The following CDYL2 variants were observed in gnomAD, a reference collection of about 807,000 sequenced individuals.
CDYL2 encodes chromodomain Y-like protein 2.
Under a neutral mutation model 49.4 loss-of-function variants are expected in CDYL2, and 23 were observed. The ratio of observed to expected loss-of-function variants is 0.47; its 90% confidence interval spans 0.34 to 0.66. The LOEUF (loss-of-function observed/expected upper bound fraction) is 0.66, where lower values mean the gene tolerates loss of function less well. Ranked by LOEUF, CDYL2 falls within the 30% of genes least tolerant of loss-of-function variation. The pLI is 0.01. For missense variants in CDYL2, 678 were observed against 656.4 expected (o/e 1.03, Z -0.36); for synonymous variants, 360 against 268.8 (o/e 1.34, Z -3.32).
At chr16:80,690,235 A>G (rs1489446959) in intron 1 of CDYL2, among the ~76,000 whole-genome samples, 1 of 152,222 alleles carries the variant, frequency 6.6e-6, no homozygotes, top group Non-Finnish European at 1.5e-5. Flanking sequence ...TACTTCAAAC[A>G]GAACAGTCAC....
chr16:80,626,850 A>G (rs1907327799), intron 3 of CDYL2, among the ~76,000 whole-genome samples: 1 of 152,214 alleles, frequency 6.6e-6, no homozygotes, highest in Non-Finnish European at 1.5e-5. Flanking sequence ...GAATTGCACC[A>G]GGAATTTTAT....
chr16:80,710,162 C>T (rs774269632), intron 1 of CDYL2, among the ~76,000 whole-genome samples: 18 of 152,092 alleles, frequency 1.2e-4, no homozygotes, highest in Admixed American at 3.9e-4. Context: ...CTCCTGACCT[C>T]GTGATCCTCC....
intron 2 of CDYL2, among the ~76,000 whole-genome samples, chr16:80,651,567 C>T (rs1908583162): frequency 6.6e-6 from 1 of 152,084 alleles, no homozygotes; most frequent in Non-Finnish European, 1.5e-5. Flanking sequence ...ATTTACAGCA[C>T]AGAGAGCGAA....
intron 1 of CDYL2, among the ~76,000 whole-genome samples, chr16:80,722,906 G>C (rs945374710): frequency 6.6e-6 from 1 of 152,202 alleles, no homozygotes; most frequent in African/African-American, 2.4e-5. Flanking sequence ...CTTGGCTGGA[G>C]GATTCAGTCC....
chr16:80,801,649 T>C (rs989985820), intron 1 of CDYL2, among the ~76,000 whole-genome samples: 1 of 152,250 alleles, frequency 6.6e-6, no homozygotes, highest in Admixed American at 6.5e-5. Context: ...TTAATGAAAG[T>C]AATAAACAGG....
chr16:80,720,265 G>A (rs989254934), intron 1 of CDYL2, among the ~76,000 whole-genome samples: 5 of 152,102 alleles, frequency 3.3e-5, no homozygotes, highest in African/African-American at 1.2e-4. Context: ...CTGAATCCTG[G>A]AAAGCACCTA....
chr16:80,624,937 AAAGAC>A (rs1235633938), intron 3 of CDYL2, among the ~76,000 whole-genome samples: 1 of 152,208 alleles, frequency 6.6e-6, no homozygotes, highest in Non-Finnish European at 1.5e-5. Context: ...CGGAGAGATT[AAAGAC>A]AAGAATGCTA....
rs1374114827 is a variant in CDYL2 at position 80,670,526 on chromosome 16, T to C, written c.616+14012A>G. Among the ~76,000 whole-genome samples the C allele has an allele frequency of 2.6e-5, 4 of 152,158 alleles. No individual in the cohort carries two copies. In the East Asian group the frequency reaches 7.7e-4, roughly 29 times the overall value. ...TTTATAAACTACCCAGTCTCGGGTG[T>C]GTCTTCATTAGCAACTTGAGAATGG... On this transcript the variant is annotated intron_variant, in intron 2 of 6. Transcript: ENST00000570137.
intron 1 of CDYL2, among the ~76,000 whole-genome samples, chr16:80,800,628 C>T (rs938067568): frequency 2.6e-5 from 4 of 151,778 alleles, no homozygotes; most frequent in Non-Finnish European, 4.4e-5. Context: ...ACTGAGCCAC[C>T]CCTACACACG....
chr16:80,673,444 G>C (rs762665029), intron 2 of CDYL2, among the ~76,000 whole-genome samples: 1 of 152,014 alleles, frequency 6.6e-6, no homozygotes, highest in Non-Finnish European at 1.5e-5. Flanking sequence ...TAATTATTTC[G>C]CTTAAATGAA....
chr16:80,798,302 C>T (rs1304196791), intron 1 of CDYL2, among the ~76,000 whole-genome samples: 1 of 152,188 alleles, frequency 6.6e-6, no homozygotes, highest in Non-Finnish European at 1.5e-5. Context: ...CTTGGCCTCC[C>T]ACAGTGCTGG....
At chr16:80,605,343 T>C (rs1019606152) in intron 6 of CDYL2, among the ~76,000 whole-genome samples, 3 of 148,348 alleles carry the variant, frequency 2.0e-5, no homozygotes, top group African/African-American at 7.3e-5. Context: ...TACACTATAA[T>C]ATATACATAT....
intron 1 of CDYL2, chr16:80,742,159 G>C (rs1168100212): frequency 6.6e-6 from 1 of 152,242 alleles, no homozygotes. Context: ...ACGAGGTGGG[G>C]TCAGAATGCA....
At chr16:80,745,720 G>C (rs1905905818) in intron 1 of CDYL2, among the ~76,000 whole-genome samples, 1 of 152,134 alleles carries the variant, frequency 6.6e-6, no homozygotes, top group South Asian at 2.1e-4. Flanking sequence ...TTTAGCTTTT[G>C]GTAGCAAAAT....
At chr16:80,619,342 A>T (rs1037042004) in intron 4 of CDYL2, among the ~76,000 whole-genome samples, 1 of 152,056 alleles carries the variant, frequency 6.6e-6, no homozygotes, top group Non-Finnish European at 1.5e-5. Context: ...CCACACTTCA[A>T]CTCACTACAA....
At chr16:80,622,032 G>A (rs568322154) in intron 3 of CDYL2, among the ~76,000 whole-genome samples, 16 of 152,280 alleles carry the variant, frequency 1.1e-4, no homozygotes, top group Admixed American at 3.9e-4. Context: ...TAGAGGGGTC[G>A]TAACACTAGT....
intron 2 of CDYL2, among the ~76,000 whole-genome samples, chr16:80,652,577 G>T (rs1335118718): frequency 6.6e-6 from 1 of 152,182 alleles, no homozygotes; most frequent in Non-Finnish European, 1.5e-5. Context: ...CACGCACAGT[G>T]ACTTCCATCC....
At chr16:80,778,638 T>C (rs74030428) in intron 1 of CDYL2, among the ~76,000 whole-genome samples, 10 of 152,036 alleles carry the variant, frequency 6.6e-5, no homozygotes, top group African/African-American at 2.2e-4. Flanking sequence ...CACAGAGGTA[T>C]CAACTTTATC....
intron 1 of CDYL2, among the ~76,000 whole-genome samples, chr16:80,689,155 C>A (rs1401872722): frequency 6.6e-6 from 1 of 152,218 alleles, no homozygotes; most frequent in African/African-American, 2.4e-5. Flanking sequence ...AATAAGCAAT[C>A]TGAGATGCTG....
Sources: allele counts gnomAD v4.1 joint callset (sites outside exome capture counted in the v4.1 genomes callset), GRCh38; gene constraint gnomAD v4.1.1; transcripts MANE v1.5; gene names NCBI Gene and HGNC (gene_info 2026-07-23, HGNC 2026-07-21).